The following AGAP1 variants were observed in gnomAD, a reference collection of about 807,000 sequenced individuals.
AGAP1 encodes the protein ArfGAP with GTPase domain, ankyrin repeat and PH domain 1, also known as arf-GAP with GTPase, ANK repeat and PH domain-containing protein 1.
A neutral mutation model predicts 105.3 loss-of-function variants in AGAP1; 29 were observed. That is an observed-to-expected ratio of 0.28 (90% CI 0.21 to 0.38). AGAP1 has a LOEUF of 0.38. Among genes scored for constraint, AGAP1 ranks in the 10% least tolerant of loss-of-function variants. The pLI, the probability that AGAP1 is intolerant of heterozygous loss-of-function variation, is 1.00. For missense variants in AGAP1, 998 were observed against 1,165.1 expected, an observed-to-expected ratio of 0.86 and a Z score of 2.09; for synonymous variants, 509 against 485.9, an observed-to-expected ratio of 1.05 and a Z score of -0.63.
intron 12 of AGAP1, among the ~76,000 whole-genome samples, chr2:235,938,430 A>C (rs1460828124): frequency 2.0e-5 from 3 of 152,224 alleles, no homozygotes; most frequent in Admixed American, 1.3e-4. Flanking sequence ...GAAGACAGGG[A>C]GGGTGAGGCC....
At chr2:235,941,767 T>C (rs2053266517) in intron 12 of AGAP1, among the ~76,000 whole-genome samples, 1 of 151,990 alleles carries the variant, frequency 6.6e-6, no homozygotes, top group Non-Finnish European at 1.5e-5. Flanking sequence ...TCCAATCAAA[T>C]GCTGCCAAGA....
rs1358182157 is a variant in AGAP1, at chr2:236,056,426, C to T, written c.2114+7145C>T. Among the ~76,000 whole-genome samples the T allele has an allele frequency of 6.6e-6, 1 of 152,192 alleles. No individual in the cohort carries two copies. The highest frequency in any genetic ancestry group is 6.5e-5 in the Admixed American group (1 of 15,280). On this transcript the variant is annotated intron_variant, in intron 16 of 17. Coordinates refer to ENST00000304032, the MANE Select transcript of AGAP1 (RefSeq NM_001037131.3). The surrounding 1 kb of genome is among the most constrained non-coding windows in gnomAD (Gnocchi z 4.6). ...TGATGCTTAAGAATTTTTACTGCCCCTGGCAGATGAGAAGGCAAGTCATCA... is the reference window on the plus strand; with the variant it reads ...TGATGCTTAAGAATTTTTACTGCCCTTGGCAGATGAGAAGGCAAGTCATCA...
intron 1 of AGAP1, among the ~76,000 whole-genome samples, chr2:235,518,452 G>A (rs1478609881): frequency 1.3e-5 from 2 of 152,180 alleles, no homozygotes; most frequent in Non-Finnish European, 2.9e-5. Context: ...GACTTTTTGT[G>A]ATGATGCGTG....
In AGAP1 at chr2:235,759,220, C is replaced by G. The variant is rs192248847; in HGVS notation, c.673+8732C>G. ...GTCTCGCTCTGTCACCCAGGCTGGA[C>G]TGCAGTGGTGTGATCTCAGCTCACT... On this transcript the variant is annotated intron_variant, in intron 6 of 17. Coordinates refer to ENST00000304032, the MANE Select transcript of AGAP1 (RefSeq NM_001037131.3). Among the ~76,000 whole-genome samples, 847 of 141,844 alleles carry G rather than the reference C, an allele frequency of 6.0e-3. 15 individuals carry two copies. The highest frequency in any genetic ancestry group is 0.048 in the Admixed American group (657 of 13,760). The allele number at this position is 141,844 out of a possible 152,430, so 93.1% of individuals were successfully genotyped here.
chr2:235,764,841 T>C (rs1164062973), intron 6 of AGAP1, among the ~76,000 whole-genome samples: 1 of 3,664 alleles, frequency 2.7e-4, no homozygotes, highest in Non-Finnish European at 4.6e-4. Flanking sequence ...GGGGTGGGGG[T>C]ATCTGGGAGC....
intron 13 of AGAP1, among the ~76,000 whole-genome samples, chr2:235,987,984 G>A (rs1249612772): frequency 2.0e-5 from 3 of 152,266 alleles, no homozygotes; most frequent in East Asian, 3.9e-4. Context: ...AAATCAAACC[G>A]AAAGTATGCA....
chr2:236,120,683 T>C lies in AGAP1; in HGVS notation c.2370+236T>C, dbSNP rs528672817. ...ATTGCAACTTTGTGATTGCCCCTTA[T>C]CAAGCAGGGTTGGTGCTATCCCTCT... On this transcript the variant is annotated intron_variant, in intron 17 of 17. Coordinates refer to ENST00000304032, the MANE Select transcript of AGAP1 (RefSeq NM_001037131.3). This position sits in a 1 kb window ranked among gnomAD's most constrained non-coding sequence, Gnocchi z 6.0. Among the ~76,000 whole-genome samples the C allele has an allele frequency of 1.3e-5, 2 of 152,224 alleles. No individual in the cohort carries two copies. The highest frequency in any genetic ancestry group is 2.9e-5 in the Non-Finnish European group (2 of 68,038).
intron 1 of AGAP1, among the ~76,000 whole-genome samples, chr2:235,530,205 G>A (rs1559227006): frequency 6.6e-6 from 1 of 152,196 alleles, no homozygotes; most frequent in Non-Finnish European, 1.5e-5. Context: ...GCCAGCTGCT[G>A]CAGAGGCTGA....
Position 236,036,734 on chromosome 2 carries a change from C to T in AGAP1, c.1800+19C>T. ...GAACAAGGTGAGGCCCCTGGCTGCC[C>T]AAAACCAAGGCTGGGGCTGCTCAGG... On this transcript the variant is annotated intron_variant, in intron 14 of 17. Coordinates refer to ENST00000304032, the MANE Select transcript of AGAP1 (RefSeq NM_001037131.3). The surrounding 1 kb of genome is among the most constrained non-coding windows in gnomAD (Gnocchi z 5.7). 4 of 1,613,768 alleles carry T rather than the reference C, an allele frequency of 2.5e-6. No individual in the cohort carries two copies. The highest frequency in any genetic ancestry group is 2.5e-6 in the Non-Finnish European group (3 of 1,179,880).
At chr2:235,643,457 A>AAAAAAAG (rs1553595203) in intron 1 of AGAP1, among the ~76,000 whole-genome samples, 3 of 140,398 alleles carry the variant, frequency 2.1e-5, no homozygotes, top group African/African-American at 5.4e-5. Flanking sequence ...AAAAAAAAAA[A>AAAAAAAG]AAAGAAAGAA....
At chr2:236,011,084 T>C (rs189327323) in intron 13 of AGAP1, among the ~76,000 whole-genome samples, 8 of 152,322 alleles carry the variant, frequency 5.3e-5, no homozygotes, top group African/African-American at 1.2e-4. Context: ...CCAGCCAGCA[T>C]GATGATGAGT....
intron 15 of AGAP1, among the ~76,000 whole-genome samples, chr2:236,048,572 G>A (rs144148256): frequency 4.5e-4 from 68 of 152,284 alleles, no homozygotes; most frequent in African/African-American, 1.3e-3. Flanking sequence ...TGCCCGTTGT[G>A]TACCTACTGG....
chr2:235,930,671 C>T lies in AGAP1; in HGVS notation c.1325-94C>T. 1.5e-6 allele frequency: 2 copies of T among 1,333,022 alleles called. No individual in the cohort carries two copies. The highest frequency in any genetic ancestry group is 2.0e-5 in the Admixed American group (1 of 48,980). The allele number at this position is 1,333,022 out of a possible 1,614,324, so 82.6% of individuals were successfully genotyped here. ...GGGCTGCTCTCGGTGGTAAGGTGCA[C>T]TATGTGCCAGCGTGTGGGTCCCATA... On this transcript the variant is annotated intron_variant, in intron 11 of 17. Transcript: ENST00000304032. This position sits in a 1 kb window ranked among gnomAD's most constrained non-coding sequence, Gnocchi z 7.9.
Position 235,753,939 on chromosome 2 carries a change from A to C in AGAP1, c.673+3451A>C, listed in dbSNP as rs1953688068. ...CAAACACTCTCATTGTTAGTGAGAA[A>C]AGTAGTTGCTGAGTAGGAGCTTTAT... On this transcript the variant is annotated intron_variant, in intron 6 of 17. Transcript: ENST00000304032. The surrounding 1 kb of genome is among the most constrained non-coding windows in gnomAD (Gnocchi z 4.5). Among the ~76,000 whole-genome samples the C allele has an allele frequency of 6.6e-6, 1 of 152,228 alleles. No individual in the cohort carries two copies. The highest frequency in any genetic ancestry group is 1.5e-5 in the Non-Finnish European group (1 of 68,044).
chr2:235,616,663 T>A (rs1946317074), intron 1 of AGAP1, among the ~76,000 whole-genome samples: 1 of 152,162 alleles, frequency 6.6e-6, no homozygotes, highest in Non-Finnish European at 1.5e-5. Context: ...TCTGGCTTCC[T>A]GCCCCACCTG....
rs367778173 is a variant in AGAP1, at chr2:235,578,800, A to AAAATTT, written c.163+83951_163+83952insAAATTT. ...ACTCAGTCTCAAAAAAAAAAAAAAAATTTTTTTTTTACAATAAGCTATTTA... is the reference window on the plus strand; with the variant it reads ...ACTCAGTCTCAAAAAAAAAAAAAAAAAAATTTTTTTTTTTTTACAATAAGCTATTTA... On this transcript the variant is annotated intron_variant, in intron 1 of 17. Coordinates refer to ENST00000304032, the MANE Select transcript of AGAP1 (RefSeq NM_001037131.3). This position sits in a 1 kb window ranked among gnomAD's most constrained non-coding sequence, Gnocchi z 4.9. 1.1e-4 allele frequency among the ~76,000 whole-genome samples: 15 copies of AAAATTT among 139,796 alleles called. No homozygotes were observed. The highest frequency in any genetic ancestry group is 1.2e-4 in the Non-Finnish European group (8 of 65,538). 91.7% of individuals were successfully genotyped at this position (139,796 alleles called of 152,430 possible).
intron 1 of AGAP1, chr2:235,669,964 G>A (rs1948287435): frequency 4.9e-6 from 1 of 203,388 alleles, no homozygotes; most frequent in Non-Finnish European, 9.7e-6. Flanking sequence ...CGCCGTCCCC[G>A]CAGCCTGAGT....
intron 6 of AGAP1, among the ~76,000 whole-genome samples, chr2:235,779,226 A>T (rs995809773): frequency 1.3e-5 from 2 of 152,202 alleles, no homozygotes; most frequent in African/African-American, 4.8e-5. Flanking sequence ...TTGTAGACAC[A>T]TCAGTGGATT....
At chr2:235,804,355 A>G (rs1957732841) in intron 8 of AGAP1, among the ~76,000 whole-genome samples, 1 of 152,272 alleles carries the variant, frequency 6.6e-6, no homozygotes, top group Non-Finnish European at 1.5e-5. Flanking sequence ...AAGTGCACCC[A>G]GGAACCAAAG....
Sources: allele counts gnomAD v4.1 joint callset (sites outside exome capture counted in the v4.1 genomes callset), GRCh38; gene constraint gnomAD v4.1.1; non-coding constraint Gnocchi (gnomAD v3.1); transcripts MANE v1.5; gene names NCBI Gene and HGNC (gene_info 2026-07-23, HGNC 2026-07-21).